FHAD1: variants seen among roughly 807,000 people sequenced by gnomAD.
FHAD1 encodes forkhead associated phosphopeptide binding domain 1, also known as forkhead-associated domain-containing protein 1.
Under a neutral mutation model 191.3 loss-of-function variants are expected in FHAD1, and 146 were observed. The observed-to-expected ratio is 0.76, with a 90% CI of 0.67 to 0.88. FHAD1 has a LOEUF of 0.88. Among genes scored for constraint, FHAD1 ranks in the 40% least tolerant of loss-of-function variants. FHAD1 has a pLI of 0.00. For synonymous variants in FHAD1, 616 were observed against 672.3 expected, an observed-to-expected ratio of 0.92 and a Z score of 1.29; for missense variants, 1,635 against 1,785.8, an observed-to-expected ratio of 0.92 and a Z score of 1.52.
chr1:15,318,646 A>T lies in FHAD1; in HGVS notation c.1365+718A>T, dbSNP rs1012826039. ...AAGACTCCGTCTCAAAAAAAAAAAA[A>T]TTTAATTAAAAATAAATAAAACAAA... On this transcript the variant is annotated intron_variant, in intron 10 of 33. Coordinates refer to ENST00000688493, the MANE Select transcript of FHAD1 (RefSeq NM_001391957.1). This position sits in a 1 kb window ranked among gnomAD's most constrained non-coding sequence, Gnocchi z 4.1. 1.6e-4 allele frequency among the ~76,000 whole-genome samples: 25 copies of T among 152,198 alleles called. No homozygotes were observed. Among genetic ancestry groups the T allele is most frequent in the East Asian group, 9.6e-4 (5 of 5,186 alleles).
intron 20 of FHAD1, 57 bp from the exon 21 acceptor site, chr1:15,358,053 C>A: frequency 8.0e-7 from 1 of 1,257,302 alleles, no homozygotes; most frequent in Non-Finnish European, 1.1e-6. Context: ...GATAAGGGGG[C>A]TGGGTAAATA....
chr1:15,344,338 A>C lies in FHAD1; in HGVS notation c.2131-745A>C, dbSNP rs1688003025. On this transcript the variant is annotated intron_variant, in intron 16 of 33. Coordinates refer to ENST00000688493, the MANE Select transcript of FHAD1 (RefSeq NM_001391957.1). The stretch of plus-strand genomic sequence containing the variant: ...GAGGACTTTGTTTCAAAGGGAAAAA[A>C]AATTCTATGTTCCTTTATCAATCTA... 3.9e-5 allele frequency among the ~76,000 whole-genome samples: 6 copies of C among 152,210 alleles called. No homozygotes were observed. In the South Asian group the frequency reaches 1.2e-3, roughly 32 times the overall value.
upstream of FHAD1, among the ~76,000 whole-genome samples, chr1:15,246,687 G>A (rs1646080853): frequency 6.6e-6 from 1 of 152,176 alleles, no homozygotes; most frequent in Non-Finnish European, 1.5e-5. Flanking sequence ...ACAGGGAGGA[G>A]CAGAGGCAGC....
At chr1:15,360,817 A>G (rs907217401) in intron 22 of FHAD1, 114 bp downstream of exon 22, 21 of 853,676 alleles carry the variant, frequency 2.5e-5, no homozygotes, top group Middle Eastern at 2.5e-4. Context: ...TCGAAAGCTC[A>G]TTCATTCTCT....
chr1:15,287,805 G>T (rs1344208099), intron 3 of FHAD1, among the ~76,000 whole-genome samples: 1 of 152,188 alleles, frequency 6.6e-6, no homozygotes, highest in Non-Finnish European at 1.5e-5. Context: ...GCAGCTTGGA[G>T]ATTAGGATCC....
intron 2 of FHAD1, among the ~76,000 whole-genome samples, chr1:15,266,410 T>C (rs1224796005): frequency 2.3e-5 from 3 of 128,708 alleles, no homozygotes; most frequent in Admixed American, 2.2e-4. Context: ...TGGCCTAGAC[T>C]TTTTTTTTTT....
chr1:15,292,932 A>G (rs551620353), intron 4 of FHAD1, among the ~76,000 whole-genome samples: 1 of 152,306 alleles, frequency 6.6e-6, no homozygotes, highest in Admixed American at 6.5e-5. Context: ...TCTATTTTTA[A>G]AAGAAAGAAT....
At chr1:15,285,727 G>A (rs189797884) in intron 3 of FHAD1, among the ~76,000 whole-genome samples, 8 of 152,284 alleles carry the variant, frequency 5.3e-5, no homozygotes, top group Non-Finnish European at 8.8e-5. Context: ...AGGGTGCAAC[G>A]CGAGCCAGGG....
upstream of FHAD1, among the ~76,000 whole-genome samples, chr1:15,243,054 C>A (rs1026716778): frequency 6.6e-6 from 1 of 152,180 alleles, no homozygotes; most frequent in African/African-American, 2.4e-5. Flanking sequence ...GACCCCCCCA[C>A]AGCAAAGCGC....
At chr1:15,330,809 G>C (rs1175746311) in intron 14 of FHAD1, among the ~76,000 whole-genome samples, 1 of 152,160 alleles carries the variant, frequency 6.6e-6, no homozygotes, top group African/African-American at 2.4e-5. Flanking sequence ...TTTATTCTAA[G>C]GGCAGAGAGA....
intron 21 of FHAD1, among the ~76,000 whole-genome samples, chr1:15,359,175 AGAG>A (rs949393435): frequency 1.1e-4 from 17 of 152,220 alleles, no homozygotes; most frequent in African/African-American, 3.9e-4. Context: ...CTTTTGGAGA[AGAG>A]GAGACAAGAG....
chr1:15,310,107 C>T (rs1477697815), intron 7 of FHAD1, among the ~76,000 whole-genome samples: 3 of 152,014 alleles, frequency 2.0e-5, no homozygotes, highest in African/African-American at 4.8e-5. Context: ...GGGCCATGGA[C>T]AGAGAAAGGG....
Position 15,313,104 on chromosome 1 carries a change from G to T in FHAD1, c.1087G>T (p.Val363Phe). 1 of 1,551,818 alleles carries T rather than the reference G, an allele frequency of 6.4e-7. No homozygotes were observed. Among genetic ancestry groups the T allele is most frequent in the Non-Finnish European group, 8.7e-7 (1 of 1,147,008 alleles). Residue 363 changes from valine (V) to phenylalanine (F), a missense_variant, in exon 8 of 34, where the codon GTT becomes TTT. Transcript: ENST00000688493. Reference sequence around the variant, plus strand: ...AGACATATTAGCAAAGGATGAGCAAGTTCAACAACTAAAGGAAGAGGTCAG... The same window carrying T: ...AGACATATTAGCAAAGGATGAGCAATTTCAACAACTAAAGGAAGAGGTCAG... ...QKDILAKDEQ[V>F]QQLKEEVSHL... is the part of the protein sequence containing the mutation.
intron 14 of FHAD1, among the ~76,000 whole-genome samples, chr1:15,336,077 A>T (rs972596526): frequency 1.3e-5 from 2 of 152,098 alleles, no homozygotes; most frequent in Non-Finnish European, 2.9e-5. Flanking sequence ...GCACCTCTCC[A>T]ACGCACCAAC....
chr1:15,290,614 A>G (rs1217780845), intron 4 of FHAD1, among the ~76,000 whole-genome samples: 2 of 152,100 alleles, frequency 1.3e-5, no homozygotes, highest in South Asian at 2.1e-4. Flanking sequence ...CATCACCGTC[A>G]TCATCAAATG....
chr1:15,363,156 C>T (rs1695351149), intron 23 of FHAD1, among the ~76,000 whole-genome samples: 1 of 152,200 alleles, frequency 6.6e-6, no homozygotes, highest in Non-Finnish European at 1.5e-5. Context: ...GGCCTTCTTG[C>T]TGTTGGGGCT....
rs1700914064 is a variant in FHAD1, at chr1:15,381,584, G to A, written c.4022+133G>A. 1 of 685,568 alleles carries A rather than the reference G, an allele frequency of 1.5e-6. No homozygotes were observed. The highest frequency in any genetic ancestry group is 2.5e-6 in the Non-Finnish European group (1 of 402,500). 42.5% of individuals were successfully genotyped at this position (685,568 alleles called of 1,614,324 possible). On this transcript the variant is annotated intron_variant, in intron 30 of 33. Transcript: ENST00000688493. The surrounding 1 kb of genome is among the most constrained non-coding windows in gnomAD (Gnocchi z 4.6). ...CACGTGTGGAATACCTGCAATGTCA[G>A]AAGGGGACCAGGGAGGGCACTGACT...
chr1:15,296,989 C>T (rs2100793829), intron 5 of FHAD1, among the ~76,000 whole-genome samples, 196 bp downstream of exon 5: 1 of 152,352 alleles, frequency 6.6e-6, no homozygotes, highest in South Asian at 2.1e-4. Flanking sequence ...TAAGCATCTA[C>T]TGTGAGCTGG....
In FHAD1 at chr1:15,345,424, G is replaced by A. The variant is rs373939279; in HGVS notation, c.2247G>A (p.Ala749=). 31 of 1,552,182 alleles carry A rather than the reference G, an allele frequency of 2.0e-5. No homozygotes were observed. Among genetic ancestry groups the A allele is most frequent in the African/African-American group, 5.5e-5 (4 of 73,044 alleles). Reference sequence around the variant, plus strand: ...AATGATCGTTGACTCAGGCTTTGGCGAAAAGCATTACCCAGGAGAAGAACA... The same window carrying A: ...AATGATCGTTGACTCAGGCTTTGGCAAAAAGCATTACCCAGGAGAAGAACA... The part of the protein sequence containing the change: ...SLLAQQKKAL[A]KSITQEKNRV... The change falls in exon 18 of 34, where the codon GCG becomes GCA. Residue 749 remains alanine, a synonymous_variant. Coordinates refer to ENST00000688493, the MANE Select transcript of FHAD1 (RefSeq NM_001391957.1).
Sources: gnomAD v4.1 joint callset for allele counts (sites outside exome capture counted in the v4.1 genomes callset) on GRCh38, gnomAD v4.1.1 for gene constraint, Gnocchi (gnomAD v3.1) non-coding constraint, MANE v1.5 for transcripts, NCBI Gene and HGNC (gene_info 2026-07-23, HGNC 2026-07-21) for gene names.